Variants in PLEKHH2 observed in about 807,000 individuals in gnomAD.
PLEKHH2 encodes pleckstrin homology domain-containing family H member 2.
PLEKHH2 carries 129 observed loss-of-function variants against 187.9 expected under a neutral mutation model. The observed-to-expected ratio is 0.69, with a 90% CI of 0.59 to 0.79. PLEKHH2 has a LOEUF of 0.79. Among genes scored for constraint, PLEKHH2 ranks in the 30% least tolerant of loss-of-function variants. The pLI is 0.00. For synonymous variants in PLEKHH2, 686 were observed against 605.6 expected, an observed-to-expected ratio of 1.13 and a Z score of -1.95; for missense variants, 2,076 against 1,751.2, an observed-to-expected ratio of 1.19 and a Z score of -3.31.
At chr2:43,711,786 C>G in intron 14 of PLEKHH2, 1 of 424,344 alleles carries the variant, frequency 2.4e-6, no homozygotes, top group Non-Finnish European at 3.2e-6. Flanking sequence ...CCCAGCTGCT[C>G]GGGAGGCCGA....
intron 10 of PLEKHH2, among the ~76,000 whole-genome samples, chr2:43,706,749 G>C (rs542336394): frequency 6.6e-6 from 1 of 152,200 alleles, no homozygotes; most frequent in African/African-American, 2.4e-5. Flanking sequence ...TCAGTGCCAG[G>C]GTACCCCTTC....
chr2:43,638,885 C>A (rs1046852819), intron 1 of PLEKHH2, among the ~76,000 whole-genome samples: 12 of 152,090 alleles, frequency 7.9e-5, no homozygotes, highest in East Asian at 5.8e-4. Flanking sequence ...CATTATCCAA[C>A]CAATTTGCAG....
intron 26 of PLEKHH2, among the ~76,000 whole-genome samples, chr2:43,757,707 T>G (rs2104622960): frequency 6.6e-6 from 1 of 152,230 alleles, no homozygotes; most frequent in Admixed American, 6.5e-5. Flanking sequence ...CGTGAGCCAC[T>G]GTGCCCAGCC....
At chr2:43,724,107 T>C (rs1558565930) in intron 16 of PLEKHH2, among the ~76,000 whole-genome samples, 1 of 141,582 alleles carries the variant, frequency 7.1e-6, no homozygotes, top group East Asian at 1.9e-4. Flanking sequence ...TGGGGAAGAC[T>C]GGGCAGAGCA....
chr2:43,647,135 T>G (rs1434556021), intron 2 of PLEKHH2, among the ~76,000 whole-genome samples: 3 of 152,342 alleles, frequency 2.0e-5, no homozygotes, highest in South Asian at 4.1e-4. Context: ...TGGTATGATT[T>G]ATTTAATTCT....
At chr2:43,637,900 C>G (rs953546647) in intron 1 of PLEKHH2, among the ~76,000 whole-genome samples, 2 of 152,220 alleles carry the variant, frequency 1.3e-5, no homozygotes, top group African/African-American at 4.8e-5. Context: ...GTGACCTACC[C>G]GGAAACCACT....
At chr2:43,683,665 C>T (rs534773468) in intron 3 of PLEKHH2, among the ~76,000 whole-genome samples, 2 of 152,172 alleles carry the variant, frequency 1.3e-5, no homozygotes, top group African/African-American at 4.8e-5. Flanking sequence ...CCTATATTTC[C>T]TGTAAAATAT....
At chr2:43,743,332 A>C (rs1439996745) in intron 22 of PLEKHH2, among the ~76,000 whole-genome samples, 1 of 152,186 alleles carries the variant, frequency 6.6e-6, no homozygotes, top group East Asian at 1.9e-4. Context: ...TCAGATCTAG[A>C]TGCCTGCTTA....
At chr2:43,721,362 C>T (rs571623129) in intron 16 of PLEKHH2, among the ~76,000 whole-genome samples, 2 of 152,218 alleles carry the variant, frequency 1.3e-5, no homozygotes, top group African/African-American at 4.8e-5. Flanking sequence ...ACATGGGCCA[C>T]GAGTACTTGT....
At chr2:43,693,766 G>A (rs1188420701) in intron 4 of PLEKHH2, among the ~76,000 whole-genome samples, 20 of 149,318 alleles carry the variant, frequency 1.3e-4, no homozygotes, top group Admixed American at 1.1e-3. Flanking sequence ...GGGGATTGGG[G>A]TTATGTACTT....
chr2:43,677,727 C>T (rs1038143297), intron 2 of PLEKHH2, among the ~76,000 whole-genome samples: 5 of 151,650 alleles, frequency 3.3e-5, no homozygotes, highest in Admixed American at 6.5e-5. Context: ...ACCTCCAAGA[C>T]GGGGTGGTGG....
intron 24 of PLEKHH2, among the ~76,000 whole-genome samples, chr2:43,751,584 G>C (rs1672010955): frequency 6.6e-6 from 1 of 152,198 alleles, no homozygotes; most frequent in South Asian, 2.1e-4. Flanking sequence ...CCATCCCACA[G>C]TATTCAGCTT....
At chr2:43,741,700 T>G (rs1671569336) in intron 21 of PLEKHH2, among the ~76,000 whole-genome samples, 1 of 152,234 alleles carries the variant, frequency 6.6e-6, no homozygotes, top group African/African-American at 2.4e-5. Flanking sequence ...CATAATACAT[T>G]GTGGGGCCTC....
chr2:43,749,402 G>A (rs6544703), intron 24 of PLEKHH2, among the ~76,000 whole-genome samples: 4 of 151,896 alleles, frequency 2.6e-5, no homozygotes, highest in Non-Finnish European at 5.9e-5. Flanking sequence ...CTCAGCCTCC[G>A]TAAAATGCGT....
chr2:43,744,628 G>C (rs1352032606), intron 23 of PLEKHH2, among the ~76,000 whole-genome samples: 2 of 152,176 alleles, frequency 1.3e-5, no homozygotes, highest in Non-Finnish European at 2.9e-5. Context: ...AGCACTTTGG[G>C]AGGCCGGGTC....
At chr2:43,672,233 A>G (rs779803055) in intron 2 of PLEKHH2, among the ~76,000 whole-genome samples, 1 of 152,116 alleles carries the variant, frequency 6.6e-6, no homozygotes, top group Admixed American at 6.5e-5. Context: ...CTCCCATTAC[A>G]TTACTGATAT....
chr2:43,668,823 A>G (rs1272704115), intron 2 of PLEKHH2, among the ~76,000 whole-genome samples: 1 of 152,172 alleles, frequency 6.6e-6, no homozygotes, highest in East Asian at 1.9e-4. Flanking sequence ...AACAACAATA[A>G]TAAAACAACT....
Position 43,743,999 on chromosome 2 carries a change from A to C in PLEKHH2, c.3555+10A>C. ...TCAAGGAAACATCAAGGTGAAACCAAGTCCTTTTCAGGAGCCAAGCCCAAC... is the reference window on the plus strand; with the variant it reads ...TCAAGGAAACATCAAGGTGAAACCACGTCCTTTTCAGGAGCCAAGCCCAAC... On this transcript the variant is annotated intron_variant, in intron 23 of 29. Coordinates refer to ENST00000282406, the MANE Select transcript of PLEKHH2 (RefSeq NM_172069.4). The C allele has an allele frequency of 6.2e-7, 1 of 1,609,146 alleles. No individual in the cohort carries two copies.
intron 27 of PLEKHH2, 103 bp from the exon 28 acceptor site, chr2:43,762,201 T>C (rs954486185): frequency 1.4e-4 from 117 of 865,232 alleles, no homozygotes; most frequent in Non-Finnish European, 1.1e-5. Context: ...TTTGTTGTTA[T>C]TATTGTTGTT....
Sources: gnomAD v4.1 joint callset for allele counts (sites outside exome capture counted in the v4.1 genomes callset) on GRCh38, gnomAD v4.1.1 for gene constraint, MANE v1.5 for transcripts, NCBI Gene and HGNC (gene_info 2026-07-23, HGNC 2026-07-21) for gene names.